Variants in PPP2R3A observed in about 807,000 individuals in gnomAD.
PPP2R3A encodes the protein serine/threonine-protein phosphatase 2A regulatory subunit B'' subunit alpha.
Under a neutral mutation model 106.9 loss-of-function variants are expected in PPP2R3A, and 80 were observed. The observed-to-expected ratio is 0.75, with a 90% confidence interval of 0.62 to 0.90. PPP2R3A has a LOEUF of 0.90. Among genes scored for constraint, PPP2R3A ranks in the 40% least tolerant of loss-of-function variants. The pLI is 0.00. For synonymous variants in PPP2R3A, 483 were observed against 468.3 expected, an observed-to-expected ratio of 1.03 and a Z score of -0.41; for missense variants, 1,386 against 1,350.4, an observed-to-expected ratio of 1.03 and a Z score of -0.41.
At chr3:136,009,916 A>G (rs978521719) in intron 2 of PPP2R3A, among the ~76,000 whole-genome samples, 1 of 152,186 alleles carries the variant, frequency 6.6e-6, no homozygotes, top group Non-Finnish European at 1.5e-5. Flanking sequence ...ACTTGGCTAC[A>G]GAAGATCACA....
chr3:136,086,094 A>G (rs906579333), intron 8 of PPP2R3A, among the ~76,000 whole-genome samples: 17 of 151,784 alleles, frequency 1.1e-4, no homozygotes, highest in Admixed American at 1.3e-4. Context: ...TGGTGCTGCT[A>G]CACTCCAGCC....
At chr3:136,103,505 C>A (rs1342938670) in intron 12 of PPP2R3A, 129 bp downstream of exon 12, 1 of 664,994 alleles carries the variant, frequency 1.5e-6, no homozygotes, top group South Asian at 2.4e-5. Flanking sequence ...TCATTAAAGA[C>A]TAAAAAGAGA....
intron 13 of PPP2R3A, among the ~76,000 whole-genome samples, chr3:136,139,011 C>T (rs977899815): frequency 6.6e-6 from 1 of 151,960 alleles, no homozygotes; most frequent in African/African-American, 2.4e-5. Flanking sequence ...CCATGCCAGG[C>T]CAAAATATTG....
intron 7 of PPP2R3A, among the ~76,000 whole-genome samples, chr3:136,080,520 G>A (rs1021654167): frequency 2.0e-5 from 3 of 152,134 alleles, no homozygotes; most frequent in Non-Finnish European, 2.9e-5. Flanking sequence ...AATCCAGTGG[G>A]TAAAAATAAT....
At chr3:136,048,736 C>T (rs1173718505) in intron 4 of PPP2R3A, among the ~76,000 whole-genome samples, 1 of 150,950 alleles carries the variant, frequency 6.6e-6, no homozygotes, top group Non-Finnish European at 1.5e-5. Flanking sequence ...TGGACAATGA[C>T]GTGATCAAAT....
chr3:135,982,763 A>G (rs1262451173), intron 1 of PPP2R3A, among the ~76,000 whole-genome samples: 1 of 151,546 alleles, frequency 6.6e-6, no homozygotes, highest in East Asian at 1.9e-4. Context: ...ATCTTCCCCA[A>G]CTCCAGCCAC....
rs534876924 is a variant in PPP2R3A at position 136,090,164 on chromosome 3, C to T, written c.2838-414C>T. Reference sequence around the variant, plus strand: ...TGAATAGAGTGGTGAGAGTGGTCATCCTTGTCTTGTTCTTGTTCTTAAGGG... The same window carrying T: ...TGAATAGAGTGGTGAGAGTGGTCATTCTTGTCTTGTTCTTGTTCTTAAGGG... On this transcript the variant is annotated intron_variant, in intron 9 of 13. Coordinates refer to ENST00000264977, the MANE Select transcript of PPP2R3A (RefSeq NM_002718.5). Among the ~76,000 whole-genome samples the T allele has an allele frequency of 1.1e-4, 16 of 152,176 alleles. No homozygotes were observed. The South Asian group carries it at 2.9e-3, about 28-fold the overall frequency.
At chr3:136,017,353 C>T (rs115036960) in intron 2 of PPP2R3A, among the ~76,000 whole-genome samples, 429 of 152,264 alleles carry the variant, frequency 2.8e-3, no homozygotes, top group Non-Finnish European at 5.2e-3. Context: ...TCTCTAGCAA[C>T]GCCAGGGAAG....
intron 1 of PPP2R3A, among the ~76,000 whole-genome samples, chr3:135,991,291 T>A (rs1263830234): frequency 6.6e-6 from 1 of 152,160 alleles, no homozygotes; most frequent in Non-Finnish European, 1.5e-5. Flanking sequence ...TCTTCTGAAT[T>A]GTCTAAATGA....
At chr3:136,116,359 A>T (rs552587466) in intron 13 of PPP2R3A, among the ~76,000 whole-genome samples, 148 of 152,348 alleles carry the variant, frequency 9.7e-4, no homozygotes, top group Non-Finnish European at 1.8e-3. Flanking sequence ...ACTAGCTAGC[A>T]TCATAATGAC....
intron 9 of PPP2R3A, 62 bp from the exon 10 acceptor site, chr3:136,090,516 C>G: frequency 7.4e-7 from 1 of 1,354,288 alleles, no homozygotes; most frequent in Non-Finnish European, 1.1e-6. Context: ...CTTAGCCTAT[C>G]ATCCTGATAA....
At chr3:136,032,506 TTTAA>T (rs1283640556) in intron 3 of PPP2R3A, among the ~76,000 whole-genome samples, 15 of 150,902 alleles carry the variant, frequency 9.9e-5, no homozygotes, top group Admixed American at 3.3e-4. Flanking sequence ...TCTTTTTTTT[TTTAA>T]TTAATTAATT....
rs762621739 is a variant in PPP2R3A, at chr3:136,082,375, C to T, written c.2742C>T (p.His914=). The T allele has an allele frequency of 2.4e-5, 38 of 1,613,492 alleles. No individual in the cohort carries two copies. The highest frequency in any genetic ancestry group is 2.0e-4 in the South Asian group (18 of 91,084). ...AATTCTGGGAACTAGATACTGATCA[C>T]GACCTCTACATCAGCCAGGCCGATC... ...YCKFWELDTD[H]DLYISQADLS... is the part of the protein sequence containing the mutation. The change falls in exon 8 of 14, where the codon CAC becomes CAT. Residue 914 remains histidine, a synonymous_variant. Transcript: ENST00000264977.
chr3:136,132,436 A>T (rs1016985560), intron 13 of PPP2R3A, among the ~76,000 whole-genome samples: 1 of 152,176 alleles, frequency 6.6e-6, no homozygotes, highest in Admixed American at 6.5e-5. Flanking sequence ...CAAGCTCAAT[A>T]CACAAAAATC....
chr3:136,051,872 C>A (rs1311487859), intron 5 of PPP2R3A, among the ~76,000 whole-genome samples: 1 of 152,154 alleles, frequency 6.6e-6, no homozygotes, highest in Admixed American at 6.5e-5. Context: ...ATTATAGTAA[C>A]AATCTTCCAT....
intron 2 of PPP2R3A, among the ~76,000 whole-genome samples, chr3:136,014,770 A>G (rs2107806314): frequency 6.6e-6 from 1 of 152,120 alleles, no homozygotes; most frequent in South Asian, 2.1e-4. Flanking sequence ...ATATCAGCAA[A>G]CAGCGACAGT....
intron 6 of PPP2R3A, among the ~76,000 whole-genome samples, chr3:136,072,901 A>G (rs1936480455): frequency 6.6e-6 from 1 of 152,060 alleles, no homozygotes; most frequent in African/African-American, 2.4e-5. Context: ...TATTTTTTGA[A>G]GTACTTGGAC....
intron 3 of PPP2R3A, among the ~76,000 whole-genome samples, chr3:136,039,368 A>G (rs1198373582): frequency 2.0e-5 from 3 of 152,080 alleles, no homozygotes; most frequent in Admixed American, 6.6e-5. Flanking sequence ...TTTGGAGACT[A>G]TTTCTTTGCT....
At chr3:136,078,533 T>G in intron 7 of PPP2R3A, 80 bp downstream of exon 7, 2,022 of 781,426 alleles carry the variant, frequency 2.6e-3, no homozygotes, top group Non-Finnish European at 3.9e-3. Context: ...TTTGAGCGCT[T>G]ACTCTATTCA....
Sources: gnomAD v4.1 joint callset for allele counts (sites outside exome capture counted in the v4.1 genomes callset) on GRCh38, gnomAD v4.1.1 for gene constraint, MANE v1.5 for transcripts, NCBI Gene and HGNC (gene_info 2026-07-23, HGNC 2026-07-21) for gene names.